ADCY1: variants seen among roughly 807,000 people sequenced by gnomAD.
ADCY1 encodes adenylate cyclase 1.
ADCY1 carries 28 observed loss-of-function variants against 105.4 expected under a neutral mutation model. That is an observed-to-expected ratio of 0.27 (90% CI 0.20 to 0.36). The LOEUF is 0.36. ADCY1 is among the 10% of genes least tolerant of loss of function. The pLI is 1.00. For missense variants in ADCY1, 977 were observed against 1,434.2 expected (o/e 0.68, Z 5.15); for synonymous variants, 655 against 623.8 (o/e 1.05, Z -0.75).
At chr7:45,664,586 A>C in intron 8 of ADCY1, 652 of 1,118,362 alleles carry the variant, frequency 5.8e-4, no homozygotes, top group Non-Finnish European at 7.2e-4. Context: ...CTACCATCTC[A>C]CAAAAAAGCT....
chr7:45,610,283 C>A, intron 2 of ADCY1, 96 bp from the exon 3 acceptor site: 3 of 1,116,020 alleles, frequency 2.7e-6, no homozygotes, highest in Non-Finnish European at 4.0e-6. Context: ...CCTACCCAGG[C>A]TCAGGGGCCC....
chr7:45,656,964 C>T (rs1794958429), intron 5 of ADCY1, among the ~76,000 whole-genome samples: 1 of 152,240 alleles, frequency 6.6e-6, no homozygotes, highest in African/African-American at 2.4e-5. Flanking sequence ...TGGGTGTATA[C>T]ACGAGGAAAC....
intron 1 of ADCY1, among the ~76,000 whole-genome samples, chr7:45,578,402 C>T (rs759076039): frequency 6.6e-6 from 1 of 152,108 alleles, no homozygotes; most frequent in Non-Finnish European, 1.5e-5. Flanking sequence ...ATATGACATA[C>T]AATCCATTTT....
intron 14 of ADCY1, among the ~76,000 whole-genome samples, chr7:45,689,265 C>A (rs1784742549): frequency 6.6e-6 from 1 of 151,834 alleles, no homozygotes; most frequent in South Asian, 2.1e-4. Flanking sequence ...GGGAGGGGAC[C>A]CTGGTGGGGG....
At chr7:45,600,789 A>G (rs995968167) in intron 2 of ADCY1, among the ~76,000 whole-genome samples, 6 of 152,126 alleles carry the variant, frequency 3.9e-5, no homozygotes, top group African/African-American at 7.2e-5. Context: ...GTGTCCTCAC[A>G]TGGTCTTCCC....
In ADCY1 at chr7:45,704,572, A is replaced by T; in HGVS notation, c.2773A>T (p.Thr925Ser). The T allele has an allele frequency of 2.5e-6, 4 of 1,614,224 alleles. No individual in the cohort carries two copies. Among genetic ancestry groups the T allele is most frequent in the Non-Finnish European group, 3.4e-6 (4 of 1,180,034 alleles). Residue 925 changes from threonine to serine, a missense_variant, in exon 17 of 20, where the codon ACC becomes TCC. Thr to Ser is a moderately conservative substitution (Grantham distance 58). Around this residue, in one of 7 missense-constraint regions of ADCY1, gnomAD observed 152 missense variants for 293.7 expected, o/e 0.52. Coordinates refer to ENST00000297323, the MANE Select transcript of ADCY1 (RefSeq NM_021116.4). ...DIEKIKTIGS[T>S]YMAAVGLAPT... ...AGAGAAGATCAAGACCATCGGGAGC[A>T]CCTACATGGCCGCTGTGGGGCTAGC...
chr7:45,684,840 A>T, intron 11 of ADCY1, 139 bp from the exon 12 acceptor site: 1 of 671,672 alleles, frequency 1.5e-6, no homozygotes, highest in Non-Finnish European at 2.6e-6. Context: ...GCCAAGAGAC[A>T]TGTGAGGAGG....
At chr7:45,599,283 AT>A (rs1793157174) in intron 2 of ADCY1, among the ~76,000 whole-genome samples, 1 of 151,890 alleles carries the variant, frequency 6.6e-6, no homozygotes, top group Admixed American at 6.6e-5. Flanking sequence ...TGTCGGGGGC[AT>A]CCCCCTCCTG....
At chr7:45,588,718 C>T (rs1016916173) in intron 1 of ADCY1, among the ~76,000 whole-genome samples, 1 of 152,146 alleles carries the variant, frequency 6.6e-6, no homozygotes, top group Non-Finnish European at 1.5e-5. Context: ...TAGCAGACTC[C>T]CTGGGAAGCC....
At chr7:45,657,576 A>G (rs1794976248) in intron 5 of ADCY1, 151 bp from the exon 6 acceptor site, 1 of 834,734 alleles carries the variant, frequency 1.2e-6, no homozygotes, top group Non-Finnish European at 1.8e-6. Context: ...ATGTCCACTG[A>G]CTATGCCAGG....
At chr7:45,711,838 AT>A (rs1254877149) in intron 19 of ADCY1, among the ~76,000 whole-genome samples, 51 of 129,392 alleles carry the variant, frequency 3.9e-4, no homozygotes, top group Non-Finnish European at 7.2e-4. Context: ...AATATACAAT[AT>A]TTAAATATTA....
intron 5 of ADCY1, among the ~76,000 whole-genome samples, chr7:45,656,387 A>C (rs1794944818): frequency 6.6e-6 from 1 of 152,236 alleles, no homozygotes; most frequent in South Asian, 2.1e-4. Context: ...ACATAATGTA[A>C]ATCTGTGGCA....
At chr7:45,583,744 G>A (rs10951825) in intron 1 of ADCY1, among the ~76,000 whole-genome samples, 63,055 of 151,570 alleles carry the variant, frequency 0.42, 13,433 homozygotes, top group East Asian at 0.52. Context: ...AGGTTCAAGC[G>A]ATTCTCCTGC....
At chr7:45,699,159 G>A (rs994603230) in intron 14 of ADCY1, among the ~76,000 whole-genome samples, 1 of 152,166 alleles carries the variant, frequency 6.6e-6, no homozygotes, top group Admixed American at 6.5e-5. Context: ...GGCAGAGAGG[G>A]ACCTTCAAAC....
At chr7:45,625,856 C>T (rs771092299) in intron 4 of ADCY1, among the ~76,000 whole-genome samples, 3 of 152,198 alleles carry the variant, frequency 2.0e-5, no homozygotes, top group Non-Finnish European at 2.9e-5. Context: ...GGAGTCTGTC[C>T]TCTTGACTTC....
chr7:45,694,097 C>A (rs1784833680), intron 14 of ADCY1, among the ~76,000 whole-genome samples: 1 of 96,936 alleles, frequency 1.0e-5, no homozygotes, highest in African/African-American at 3.6e-5. Context: ...CACATGTACC[C>A]TAAAACTTAG....
At chr7:45,632,561 T>C (rs534642076) in intron 4 of ADCY1, among the ~76,000 whole-genome samples, 1 of 152,224 alleles carries the variant, frequency 6.6e-6, no homozygotes, top group South Asian at 2.1e-4. Flanking sequence ...TCAGTGTATA[T>C]GTATTTCTTT....
rs1584342992 is a variant in ADCY1, at chr7:45,703,109, G to T, written c.2455-267G>T. Among the ~76,000 whole-genome samples the T allele has an allele frequency of 6.6e-6, 1 of 152,198 alleles. No homozygotes were observed. Among genetic ancestry groups the T allele is most frequent in the African/African-American group, 2.4e-5 (1 of 41,446 alleles). ...GTCCCTAAGGGGTGGCGGAGGGCAGGGCGGACCCTGGAAATGAGGTGAAGC... is the reference window on the plus strand; with the variant it reads ...GTCCCTAAGGGGTGGCGGAGGGCAGTGCGGACCCTGGAAATGAGGTGAAGC... On this transcript the variant is annotated intron_variant, in intron 14 of 19. Coordinates refer to ENST00000297323, the MANE Select transcript of ADCY1 (RefSeq NM_021116.4). The surrounding 1 kb of genome is among the most constrained non-coding windows in gnomAD (Gnocchi z 5.9).
intron 10 of ADCY1, 127 bp from the exon 11 acceptor site, chr7:45,679,582 G>GT: frequency 2.2e-6 from 2 of 900,492 alleles, no homozygotes; most frequent in Non-Finnish European, 3.6e-6. Context: ...AGGCATCCAG[G>GT]TTAACGATGC....
Sources: allele counts gnomAD v4.1 joint callset (sites outside exome capture counted in the v4.1 genomes callset), GRCh38; gene constraint gnomAD v4.1.1; regional missense constraint gnomAD v4.1.1; non-coding constraint Gnocchi (gnomAD v3.1); transcripts MANE v1.5; gene names NCBI Gene and HGNC (gene_info 2026-07-23, HGNC 2026-07-21).